KIF1A: variants seen among roughly 807,000 people sequenced by gnomAD.
KIF1A encodes the protein kinesin-like protein KIF1A.
A neutral mutation model predicts 227.3 loss-of-function variants in KIF1A; 46 were observed. The observed-to-expected ratio is 0.20, with a 90% CI of 0.16 to 0.26. KIF1A has a LOEUF of 0.26. Among genes scored for constraint, KIF1A ranks in the 10% least tolerant of loss-of-function variants. The probability of loss-of-function intolerance (pLI) is 1.00; values close to 1 mark genes in which losing one functional copy is unlikely to be tolerated. For synonymous variants in KIF1A, 1,022 were observed against 1,012.8 expected (o/e 1.01, Z -0.17); for missense variants, 1,683 against 2,485.9 (o/e 0.68, Z 6.87).
rs574393505 is a variant in KIF1A, at chr2:240,721,679, A to G, written c.4743+128T>C. On this transcript the variant is annotated intron_variant, in intron 44 of 48. Coordinates refer to ENST00000498729, the MANE Select transcript of KIF1A (RefSeq NM_001244008.2). The stretch of plus-strand genomic sequence containing the variant: ...ACTTAGGTATGAGGTGTCCCTCTGC[A>G]CTGAGACGTGTTCCTAGGAAACTCT... 6 of 776,098 alleles carry G rather than the reference A, an allele frequency of 7.7e-6. No individual in the cohort carries two copies. The African/African-American group carries it at 1.0e-4, about 13-fold the overall frequency. 48.1% of individuals were successfully genotyped at this position (776,098 alleles called of 1,614,324 possible). A position where few individuals can be genotyped will look rare whatever the true frequency, so the allele number is the denominator to read the frequency against.
intron 38 of KIF1A, among the ~76,000 whole-genome samples, chr2:240,730,054 G>A (rs983105003): frequency 6.6e-6 from 1 of 152,236 alleles, no homozygotes; most frequent in Non-Finnish European, 1.5e-5. Flanking sequence ...ACGGGCAGCA[G>A]ACCTTGGAAT....
At chr2:240,767,485 G>A in intron 17 of KIF1A, 140 bp from the exon 18 acceptor site, 4 of 683,326 alleles carry the variant, frequency 5.9e-6, no homozygotes, top group Non-Finnish European at 1.0e-5. Flanking sequence ...CACCAGGCTG[G>A]TCACTCCAAG....
At chr2:240,728,273 G>C in intron 38 of KIF1A, 1 of 559,244 alleles carries the variant, frequency 1.8e-6, no homozygotes, top group Non-Finnish European at 3.2e-6. Flanking sequence ...GGGAGAGTGA[G>C]GACAGCGGGT....
chr2:240,798,230 AAC>A (rs1229174766), intron 1 of KIF1A, among the ~76,000 whole-genome samples: 1 of 152,248 alleles, frequency 6.6e-6, no homozygotes, highest in Non-Finnish European at 1.5e-5. Context: ...TTTAAAACAG[AAC>A]AGTGTTCTAG....
At position 240,788,111 on chromosome 2, in the gene KIF1A, G is replaced by A. The variant is rs372396112; in HGVS notation, c.303C>T (p.Ala101=). The A allele has an allele frequency of 1.9e-5, 30 of 1,601,916 alleles. No homozygotes were observed. The highest frequency in any genetic ancestry group is 8.1e-5 in the African/African-American group (6 of 74,314). The part of the protein sequence containing the change: ...VCIFAYGQTG[A]GKSYTMMGKQ... The stretch of plus-strand genomic sequence containing the variant: ...TGCCCATCATGGTGTAGGACTTGCC[G>A]GCACCCGTCTGCCCATAGGCGAAGA... Residue 101 remains alanine, a synonymous_variant, in exon 4 of 49, where the codon GCC becomes GCT. Transcript: ENST00000498729. The surrounding 1 kb of genome is among the most constrained non-coding windows in gnomAD (Gnocchi z 6.6).
At position 240,788,110 on chromosome 2, in the gene KIF1A, C is replaced by T. The variant is rs1064795534; in HGVS notation, c.304G>A (p.Gly102Ser). The change falls in exon 4 of 49, where the codon GGC becomes AGC. Residue 102 changes from glycine (G) to serine (S), a missense_variant. Around this residue, in one of 12 missense-constraint regions of KIF1A, gnomAD observed 2 missense variants for 27.2 expected, o/e 0.07. Coordinates refer to ENST00000498729, the MANE Select transcript of KIF1A (RefSeq NM_001244008.2). This position sits in a 1 kb window ranked among gnomAD's most constrained non-coding sequence, Gnocchi z 6.6. ...CIFAYGQTGAGKSYTMMGKQE... is the reference protein window; with the variant it reads ...CIFAYGQTGASKSYTMMGKQE... The stretch of plus-strand genomic sequence containing the variant: ...TTGCCCATCATGGTGTAGGACTTGC[C>T]GGCACCCGTCTGCCCATAGGCGAAG... The T allele has an allele frequency of 6.2e-7, 1 of 1,605,632 alleles. No individual in the cohort carries two copies. Among genetic ancestry groups the T allele is most frequent in the Non-Finnish European group, 8.5e-7 (1 of 1,176,274 alleles).
chr2:240,753,900 C>A (rs935122361), intron 27 of KIF1A, among the ~76,000 whole-genome samples: 1 of 152,210 alleles, frequency 6.6e-6, no homozygotes, highest in African/African-American at 2.4e-5. Context: ...TCCAGCTCAA[C>A]TGTGTGGACA....
chr2:240,737,115 A>G lies in KIF1A; in HGVS notation c.3955T>C (p.Leu1319=), dbSNP rs1356006676. 6.2e-7 allele frequency: 1 copy of G among 1,613,696 alleles called. No individual in the cohort carries two copies. Among genetic ancestry groups the G allele is most frequent in the East Asian group, 2.2e-5 (1 of 44,870 alleles). The change falls in exon 38 of 49, where the codon TTG becomes CTG. Residue 1319 remains leucine (L), a synonymous_variant. Transcript: ENST00000498729. ...TDESLIDPNI[L]SLNILSSGYI... Reference sequence around the variant, plus strand: ...CCGGAAGAGAGGATGTTGAGAGACAAGATGTTGGGGTCGATCAGGGACTCG... The same window carrying G: ...CCGGAAGAGAGGATGTTGAGAGACAGGATGTTGGGGTCGATCAGGGACTCG...
At chr2:240,760,425 G>A (rs191284304) in intron 25 of KIF1A, among the ~76,000 whole-genome samples, 247 of 152,362 alleles carry the variant, frequency 1.6e-3, no homozygotes, top group Middle Eastern at 3.4e-3. Context: ...CCTTTCCTCC[G>A]AAAGAAAATG....
chr2:240,730,969 C>T (rs1175286871), intron 38 of KIF1A, among the ~76,000 whole-genome samples: 1 of 152,220 alleles, frequency 6.6e-6, no homozygotes, highest in Admixed American at 6.5e-5. Context: ...ACCCTCCAAG[C>T]CCCCTGAGGG....
At position 240,761,395 on chromosome 2, in the gene KIF1A, A is replaced by G; in HGVS notation, c.2117-18T>C. The G allele has an allele frequency of 6.4e-7, 1 of 1,569,764 alleles. No homozygotes were observed. The highest frequency in any genetic ancestry group is 8.7e-7 in the Non-Finnish European group (1 of 1,152,864). ...CCACTGGACTGTGGGGAGAGGTCAC[A>G]CGTGGTCATCGCAGGAAGGCCATGA... On this transcript the variant is annotated intron_variant, in intron 23 of 48. Coordinates refer to ENST00000498729, the MANE Select transcript of KIF1A (RefSeq NM_001244008.2).
At chr2:240,749,337 G>A (rs139798278) in intron 28 of KIF1A, among the ~76,000 whole-genome samples, 2,784 of 152,220 alleles carry the variant, frequency 0.018, 30 homozygotes, top group South Asian at 0.031. Context: ...TTGCCATCTG[G>A]GGAGGGGTAT....
intron 38 of KIF1A, among the ~76,000 whole-genome samples, chr2:240,733,730 C>A (rs3772052): frequency 0.16 from 24,448 of 152,204 alleles, 2,229 homozygotes; most frequent in Non-Finnish European, 0.22. Context: ...GTGCCAGGAG[C>A]GGCCTCACAC....
intron 8 of KIF1A, 117 bp from the exon 9 acceptor site, chr2:240,783,226 C>A: frequency 1.2e-6 from 1 of 832,810 alleles, no homozygotes; most frequent in Non-Finnish European, 2.1e-6. Flanking sequence ...ACTGCAGCTG[C>A]TGATCTCTGG....
chr2:240,742,577 C>T (rs2048106506), intron 34 of KIF1A, among the ~76,000 whole-genome samples: 1 of 152,198 alleles, frequency 6.6e-6, no homozygotes, highest in Admixed American at 6.5e-5. Context: ...CACCTCCAGC[C>T]TCAGACCCCC....
intron 11 of KIF1A, 130 bp from the exon 12 acceptor site, chr2:240,774,391 A>ACCCCCCCCCCCCCCCCCCCC (rs570956380): frequency 7.9e-6 from 2 of 253,672 alleles, no homozygotes; most frequent in African/African-American, 4.0e-5. Context: ...TCACAGGCTT[A>ACCCCCCCCCCCCCCCCCCCC]CCCCCCCCCC....
At chr2:240,808,740 T>C (rs1350844799) in intron 1 of KIF1A, among the ~76,000 whole-genome samples, 1 of 152,148 alleles carries the variant, frequency 6.6e-6, no homozygotes, top group East Asian at 1.9e-4. Flanking sequence ...CACTAACTTT[T>C]TTTTTTTGAG....
chr2:240,816,512 C>T (rs370320786), intron 1 of KIF1A, among the ~76,000 whole-genome samples: 9 of 152,222 alleles, frequency 5.9e-5, no homozygotes, highest in African/African-American at 2.2e-4. Flanking sequence ...CAGGCACTGG[C>T]CTGCCCTCCC....
chr2:240,747,396 C>A, intron 28 of KIF1A, 75 bp from the exon 29 acceptor site: 1 of 1,183,968 alleles, frequency 8.4e-7, no homozygotes, highest in Non-Finnish European at 1.2e-6. Flanking sequence ...CCAGGCTGGG[C>A]CACCCCGCAG....
Sources: gnomAD v4.1 joint callset for allele counts (sites outside exome capture counted in the v4.1 genomes callset) on GRCh38, gnomAD v4.1.1 for gene constraint, gnomAD v4.1.1 regional missense constraint, Gnocchi (gnomAD v3.1) non-coding constraint, MANE v1.5 for transcripts, NCBI Gene and HGNC (gene_info 2026-07-23, HGNC 2026-07-21) for gene names.